ERBB4: variants seen among roughly 807,000 people sequenced by gnomAD.
ERBB4 encodes the protein erb-b2 receptor tyrosine kinase 4.
A neutral mutation model predicts 158.0 loss-of-function variants in ERBB4; 42 were observed. That is an observed-to-expected ratio of 0.27 (90% confidence interval 0.21 to 0.34). The LOEUF is 0.34. Ranked by LOEUF, ERBB4 falls within the 10% of genes least tolerant of loss-of-function variation. ERBB4 has a pLI of 1.00. For missense variants in ERBB4, 1,333 were observed against 1,624.1 expected (o/e 0.82, Z 3.08); for synonymous variants, 583 against 558.7 (o/e 1.04, Z -0.61).
intron 4 of ERBB4, among the ~76,000 whole-genome samples, chr2:211,770,343 A>C (rs965084542): frequency 1.3e-5 from 2 of 152,202 alleles, no homozygotes; most frequent in African/African-American, 4.8e-5. Flanking sequence ...AAAAGGTAAC[A>C]AAAAAAGCAT....
chr2:212,102,628 T>G (rs1008067486), intron 2 of ERBB4, among the ~76,000 whole-genome samples: 2 of 152,186 alleles, frequency 1.3e-5, no homozygotes, highest in African/African-American at 2.4e-5. Flanking sequence ...GTCATGTATA[T>G]GAATAAGAGT....
intron 19 of ERBB4, among the ~76,000 whole-genome samples, chr2:211,591,948 C>T (rs1486733930): frequency 6.6e-6 from 1 of 152,166 alleles, no homozygotes; most frequent in Non-Finnish European, 1.5e-5. Flanking sequence ...AGAGAAAACG[C>T]CACTCTTTGA....
chr2:211,968,562 T>C (rs553037544), intron 2 of ERBB4, among the ~76,000 whole-genome samples: 43 of 152,010 alleles, frequency 2.8e-4, no homozygotes, highest in Admixed American at 1.1e-3. Context: ...TTTAATCCAA[T>C]TGTTGCAGAT....
intron 1 of ERBB4, among the ~76,000 whole-genome samples, chr2:212,165,959 A>C (rs1381220152): frequency 6.6e-6 from 1 of 152,048 alleles, no homozygotes; most frequent in Admixed American, 6.6e-5. Context: ...AATAGTAACT[A>C]TGTTACAACA....
chr2:211,535,407 G>A (rs950069542), intron 20 of ERBB4, among the ~76,000 whole-genome samples: 1 of 151,900 alleles, frequency 6.6e-6, no homozygotes, highest in African/African-American at 2.4e-5. Flanking sequence ...TATACTCTGG[G>A]CTTGGAATCA....
intron 1 of ERBB4, among the ~76,000 whole-genome samples, chr2:212,405,240 T>A (rs1030266414): frequency 1.3e-5 from 2 of 151,804 alleles, no homozygotes; most frequent in Non-Finnish European, 1.5e-5. Context: ...TGAAAAAAAA[T>A]TTGATATCAC....
intron 1 of ERBB4, among the ~76,000 whole-genome samples, chr2:212,219,082 A>G (rs1182299240): frequency 6.6e-5 from 10 of 151,404 alleles, no homozygotes; most frequent in African/African-American, 2.4e-4. Context: ...AAGAAAGGAA[A>G]GAATAGAGAT....
At chr2:212,244,851 T>C (rs1193387825) in intron 1 of ERBB4, among the ~76,000 whole-genome samples, 3 of 152,158 alleles carry the variant, frequency 2.0e-5, no homozygotes, top group Non-Finnish European at 4.4e-5. Context: ...ATGTTCTAGC[T>C]GACATTAATT....
chr2:211,638,736 A>C (rs2070454758), intron 16 of ERBB4, among the ~76,000 whole-genome samples: 2 of 152,190 alleles, frequency 1.3e-5, no homozygotes, highest in African/African-American at 4.8e-5. Flanking sequence ...AAAGTACTTC[A>C]GTAGAGATAT....
chr2:211,793,572 G>A (rs4673633), intron 3 of ERBB4, among the ~76,000 whole-genome samples: 28,062 of 151,724 alleles, frequency 0.18, 2,834 homozygotes, highest in South Asian at 0.36. Flanking sequence ...AGACTTTCTC[G>A]GACATAAAGC....
rs2062564218 is a variant in ERBB4, at chr2:211,380,929, T to TA, written c.*2685dup. On this transcript the variant is annotated 3_prime_UTR_variant, in exon 28 of 28. Coordinates refer to ENST00000342788, the MANE Select transcript of ERBB4 (RefSeq NM_005235.3). ...GCTTTCTATAGCCCAGTAGAAACCA[T>TA]ATGCATATTGTAAATCAGAAAAAAA... 4.3e-6 allele frequency: 1 copy of TA among 231,924 alleles called. No individual in the cohort carries two copies. Among genetic ancestry groups the TA allele is most frequent in the Non-Finnish European group, 8.5e-6 (1 of 117,354 alleles). The allele number at this position is 231,924 out of a possible 1,614,324, so 14.4% of individuals were successfully genotyped here. A position where few individuals can be genotyped will look rare whatever the true frequency, so the allele number is the denominator to read the frequency against.
chr2:212,192,129 TTA>T (rs1295579106), intron 1 of ERBB4, among the ~76,000 whole-genome samples: 2 of 119,586 alleles, frequency 1.7e-5, no homozygotes, highest in Admixed American at 9.3e-5. Flanking sequence ...ATATTATGTG[TTA>T]TGTTATCTAT....
At chr2:211,514,220 A>T (rs1468850821) in intron 20 of ERBB4, among the ~76,000 whole-genome samples, 1 of 152,038 alleles carries the variant, frequency 6.6e-6, no homozygotes, top group African/African-American at 2.4e-5. Flanking sequence ...CACATATTAG[A>T]GCGAACACTA....
chr2:211,701,407 G>T (rs960797591), intron 12 of ERBB4, among the ~76,000 whole-genome samples: 1 of 152,070 alleles, frequency 6.6e-6, no homozygotes, highest in Non-Finnish European at 1.5e-5. Context: ...ACATGTAAAT[G>T]CCCAGGTCTT....
At chr2:211,924,621 C>G (rs1340726211) in intron 3 of ERBB4, among the ~76,000 whole-genome samples, 2 of 152,066 alleles carry the variant, frequency 1.3e-5, no homozygotes, top group East Asian at 3.9e-4. Context: ...ACAAAGATAA[C>G]AGATCTCATT....
chr2:211,527,340 T>C (rs2066376636), intron 20 of ERBB4, among the ~76,000 whole-genome samples: 1 of 152,082 alleles, frequency 6.6e-6, no homozygotes, highest in Non-Finnish European at 1.5e-5. Flanking sequence ...TAGAATAGTA[T>C]ATCTGGACAA....
At chr2:212,097,403 T>C (rs1370262372) in intron 2 of ERBB4, among the ~76,000 whole-genome samples, 1 of 152,158 alleles carries the variant, frequency 6.6e-6, no homozygotes, top group African/African-American at 2.4e-5. Flanking sequence ...ATTGTGAGCA[T>C]AGGGAACTGA....
At position 211,387,128 on chromosome 2, in the gene ERBB4, C is replaced by G. The variant is rs1235299802; in HGVS notation, c.3206G>C (p.Gly1069Ala). Residue 1069 changes from glycine to alanine, a missense_variant, in exon 27 of 28, where the codon GGA becomes GCA. By Grantham distance (60) the Gly-to-Ala change is moderately conservative. This residue lies in a region of ERBB4 where 252 missense variants were observed against 241.3 expected (regional missense o/e 1.04). Transcript: ENST00000342788. ...CACTCCTTGTTCAGCAGCAAAACCT[C>G]CATCTCGGTATACAAACTGGTTCTG... ...MSGNQFVYRD[G>A]GFAAEQGVSV... The G allele has an allele frequency of 3.7e-6, 6 of 1,613,636 alleles. No individual in the cohort carries two copies. In the South Asian group the frequency reaches 5.5e-5, roughly 15 times the overall value.
chr2:212,199,316 A>C (rs1214233302), intron 1 of ERBB4, among the ~76,000 whole-genome samples: 1 of 152,196 alleles, frequency 6.6e-6, no homozygotes, highest in Admixed American at 6.6e-5. Flanking sequence ...ATTGTACAGT[A>C]CCCATTACAT....
Sources: gnomAD v4.1 joint callset for allele counts (sites outside exome capture counted in the v4.1 genomes callset) on GRCh38, gnomAD v4.1.1 for gene constraint, gnomAD v4.1.1 regional missense constraint, MANE v1.5 for transcripts, NCBI Gene and HGNC (gene_info 2026-07-23, HGNC 2026-07-21) for gene names.